Variants in NRXN3 observed in about 807,000 individuals in gnomAD.
NRXN3 encodes the protein neurexin 3, also known as neurexin III.
In NRXN3, 32 loss-of-function variants were observed where a neutral mutation model predicts 137.6. The ratio of observed to expected loss-of-function variants is 0.23; its 90% confidence interval spans 0.18 to 0.31. The LOEUF (loss-of-function observed/expected upper bound fraction) is 0.31, where lower values mean the gene tolerates loss of function less well. Ranked by LOEUF, NRXN3 falls within the 10% of genes least tolerant of loss-of-function variation. The pLI is 1.00. For missense variants in NRXN3, 1,574 were observed against 2,062.5 expected (o/e 0.76, Z 4.59); for synonymous variants, 798 against 784.5 (o/e 1.02, Z -0.29).
chr14:79,832,770 A>C (rs1235813037), intron 20 of NRXN3, among the ~76,000 whole-genome samples: 1 of 152,166 alleles, frequency 6.6e-6, no homozygotes, highest in African/African-American at 2.4e-5. Flanking sequence ...AAGTAAAAAA[A>C]ACATAAATTG....
chr14:78,911,071 A>G (rs749478084), intron 10 of NRXN3, among the ~76,000 whole-genome samples: 2 of 152,236 alleles, frequency 1.3e-5, no homozygotes, highest in Non-Finnish European at 2.9e-5. Flanking sequence ...AGATAATTTT[A>G]TGGTAACAAT....
intron 18 of NRXN3, among the ~76,000 whole-genome samples, chr14:79,696,250 C>T (rs1357251300): frequency 6.6e-6 from 1 of 151,846 alleles, no homozygotes; most frequent in Non-Finnish European, 1.5e-5. Flanking sequence ...CAATATCCCT[C>T]TATTCATATT....
chr14:78,195,845 G>A (rs894118292), intron 1 of NRXN3, among the ~76,000 whole-genome samples: 3 of 152,190 alleles, frequency 2.0e-5, no homozygotes, highest in Non-Finnish European at 4.4e-5. Context: ...ACTGCTAGCT[G>A]GGCTCCATTG....
intron 20 of NRXN3, chr14:79,853,589 T>C (rs1381451678): frequency 7.4e-7 from 1 of 1,351,816 alleles, no homozygotes; most frequent in Non-Finnish European, 9.8e-7. Flanking sequence ...TACATGGACA[T>C]GGCGACTCAC....
At chr14:79,660,840 G>A (rs1044720618) in intron 16 of NRXN3, among the ~76,000 whole-genome samples, 1 of 152,092 alleles carries the variant, frequency 6.6e-6, no homozygotes, top group South Asian at 2.1e-4. Context: ...TGTGGGGTGG[G>A]CAGAGGAGTA....
At chr14:78,699,453 G>A (rs968200631) in intron 6 of NRXN3, among the ~76,000 whole-genome samples, 4 of 152,082 alleles carry the variant, frequency 2.6e-5, no homozygotes, top group Non-Finnish European at 5.9e-5. Flanking sequence ...AAGAACCATC[G>A]AACAATTTTA....
intron 15 of NRXN3, among the ~76,000 whole-genome samples, chr14:79,228,155 G>T (rs1281885623): frequency 6.6e-6 from 1 of 152,062 alleles, no homozygotes; most frequent in Non-Finnish European, 1.5e-5. Context: ...TGATGTTAGT[G>T]ATCTCCTAGA....
chr14:79,083,155 G>A (rs187524518), intron 15 of NRXN3, among the ~76,000 whole-genome samples: 1 of 152,310 alleles, frequency 6.6e-6, no homozygotes, highest in East Asian at 1.9e-4. Flanking sequence ...GTCTAAGCTT[G>A]TTGTTCCTGA....
intron 19 of NRXN3, among the ~76,000 whole-genome samples, chr14:79,755,627 C>T (rs763856237): frequency 1.3e-5 from 2 of 151,486 alleles, no homozygotes; most frequent in Non-Finnish European, 2.9e-5. Context: ...TTATTGTCTT[C>T]CAGCAATGTC....
At chr14:78,500,161 T>A (rs2095855807) in intron 4 of NRXN3, among the ~76,000 whole-genome samples, 1 of 152,166 alleles carries the variant, frequency 6.6e-6, no homozygotes, top group Non-Finnish European at 1.5e-5. Context: ...AGAATTCAAT[T>A]TATTAGAACA....
At chr14:78,404,633 C>A (rs191130412) in intron 4 of NRXN3, among the ~76,000 whole-genome samples, 1 of 152,126 alleles carries the variant, frequency 6.6e-6, no homozygotes, top group Non-Finnish European at 1.5e-5. Flanking sequence ...TGTTAGTGAT[C>A]GGCTTGAGAC....
intron 20 of NRXN3, among the ~76,000 whole-genome samples, chr14:79,831,753 G>C (rs982940236): frequency 2.6e-5 from 4 of 152,168 alleles, no homozygotes; most frequent in African/African-American, 9.6e-5. Flanking sequence ...GTTTTGGAAA[G>C]ATGCCGACAA....
At chr14:79,516,808 G>C (rs888254700) in intron 16 of NRXN3, among the ~76,000 whole-genome samples, 1 of 151,992 alleles carries the variant, frequency 6.6e-6, no homozygotes, top group African/African-American at 2.4e-5. Context: ...ATATATCACA[G>C]CTGCCTTACC....
intron 16 of NRXN3, among the ~76,000 whole-genome samples, chr14:79,517,097 C>CG (rs968949556): frequency 5.1e-5 from 7 of 136,350 alleles, no homozygotes; most frequent in Admixed American, 1.4e-4. Flanking sequence ...GTACAGCCCC[C>CG]CCCCCCTCAA....
At position 78,977,780 on chromosome 14, in the gene NRXN3, C is replaced by G. The variant is rs577489334; in HGVS notation, c.3142+9434C>G. Among the ~76,000 whole-genome samples the G allele has an allele frequency of 2.0e-5, 3 of 152,290 alleles. No homozygotes were observed. In the South Asian group the frequency reaches 6.2e-4, roughly 32 times the overall value. On this transcript the variant is annotated intron_variant, in intron 14 of 20. Coordinates refer to ENST00000335750, the MANE Select transcript of NRXN3 (RefSeq NM_001330195.2). ...GAGCAGTGCTGTGCTAGAGCTGGCA[C>G]TGGCACAGGAATTTCTAGGAATTTT...
chr14:79,780,907 T>C (rs1304657447), intron 19 of NRXN3, among the ~76,000 whole-genome samples: 1 of 152,210 alleles, frequency 6.6e-6, no homozygotes, highest in East Asian at 1.9e-4. Context: ...GCTGTGTTTT[T>C]ATCATCTACC....
chr14:79,692,955 A>G (rs2098721773), intron 18 of NRXN3, among the ~76,000 whole-genome samples: 1 of 152,052 alleles, frequency 6.6e-6, no homozygotes, highest in Admixed American at 6.6e-5. Flanking sequence ...TTGATGTTTT[A>G]TGCAACAAAA....
At chr14:78,515,067 A>G (rs575136769) in intron 4 of NRXN3, among the ~76,000 whole-genome samples, 26 of 152,188 alleles carry the variant, frequency 1.7e-4, no homozygotes, top group Non-Finnish European at 3.4e-4. Flanking sequence ...CACAGTGCTT[A>G]TTAACACCTC....
intron 1 of NRXN3, among the ~76,000 whole-genome samples, chr14:78,241,015 G>T (rs1363312888): frequency 6.6e-6 from 1 of 152,098 alleles, no homozygotes; most frequent in African/African-American, 2.4e-5. Context: ...AACTCAGGCG[G>T]GCCAGAGTCT....
Sources: gnomAD v4.1 joint callset for allele counts (sites outside exome capture counted in the v4.1 genomes callset) on GRCh38, gnomAD v4.1.1 for gene constraint, MANE v1.5 for transcripts, NCBI Gene and HGNC (gene_info 2026-07-23, HGNC 2026-07-21) for gene names.